Variants in ABHD2 observed in about 807,000 individuals in gnomAD.
The protein encoded by ABHD2 is monoacylglycerol lipase ABHD2.
ABHD2 carries 20 observed loss-of-function variants against 48.1 expected under a neutral mutation model. The ratio of observed to expected loss-of-function variants is 0.42; its 90% confidence interval spans 0.29 to 0.60. The LOEUF is 0.60. Ranked by LOEUF, ABHD2 falls within the 20% of genes least tolerant of loss-of-function variation. The pLI, the probability that ABHD2 is intolerant of heterozygous loss-of-function variation, is 0.24. For synonymous variants in ABHD2, 209 were observed against 214.2 expected, an observed-to-expected ratio of 0.98 and a Z score of 0.21; for missense variants, 405 against 550.9, an observed-to-expected ratio of 0.74 and a Z score of 2.65.
Position 89,091,779 on chromosome 15 carries a change from A to G in ABHD2, c.-107+3216A>G, listed in dbSNP as rs148757952. ...TACAGCTTACAGTATTCCCATTTTT[A>G]TTGCATTGTGAGTTTTGAGTACTCC... On this transcript the variant is annotated intron_variant, in intron 1 of 10. Transcript: ENST00000352732. The surrounding 1 kb of genome is among the most constrained non-coding windows in gnomAD (Gnocchi z 5.5). 2.2e-4 allele frequency among the ~76,000 whole-genome samples: 34 copies of G among 152,224 alleles called. No individual in the cohort carries two copies. The East Asian group carries it at 6.2e-3, about 28-fold the overall frequency.
rs112550744 is a variant in ABHD2, at chr15:89,096,003, G to GA, written c.-107+7444dup. ...AAAATACAGAGATGAACTTCGCGCA[G>GA]AAAAGATATGAGAGCATCATGTGAA... is the stretch of plus-strand genomic sequence containing the variant. On this transcript the variant is annotated intron_variant, in intron 1 of 10. Transcript: ENST00000352732. 2.3e-3 allele frequency among the ~76,000 whole-genome samples: 344 copies of GA among 152,334 alleles called. 2 individuals are homozygous for GA. Among genetic ancestry groups the GA allele is most frequent in the South Asian group, 7.9e-3 (38 of 4,830 alleles).
At chr15:89,129,789 G>GA (rs201548270) in intron 3 of ABHD2, among the ~76,000 whole-genome samples, 2,028 of 149,828 alleles carry the variant, frequency 0.014, 20 homozygotes, top group South Asian at 0.034. Flanking sequence ...TCAGTATGCT[G>GA]ATTAAAAAAA....
the ABHD2 span, among the ~76,000 whole-genome samples, chr15:89,053,551 G>C: frequency 5.3e-5 from 8 of 152,214 alleles, no homozygotes; most frequent in African/African-American, 1.7e-4. Context: ...CACCCAATCA[G>C]ATAGTGTTTC....
rs928634124 is a variant in ABHD2, at chr15:89,188,260, T to C, written c.883T>C (p.Tyr295His). The C allele has an allele frequency of 6.2e-7, 1 of 1,614,234 alleles. No individual in the cohort carries two copies. Among genetic ancestry groups the C allele is most frequent in the African/African-American group, 1.3e-5 (1 of 75,070 alleles). The change falls in exon 8 of 11, where the codon TAC (tyrosine) becomes CAC (histidine). Residue 295 changes from tyrosine (Y) to histidine (H), a missense_variant. Transcript: ENST00000352732. The surrounding 1 kb of genome is among the most constrained non-coding windows in gnomAD (Gnocchi z 4.1). ...SLEDTDLSRL[Y>H]TATSLMQIDD... ...GGAAGACACGGACTTGAGCCGGCTC[T>C]ACACAGCAACATCCCTGATGCAGAT... is the stretch of plus-strand genomic sequence containing the variant.
At chr15:89,044,690 C>T in the ABHD2 span, among the ~76,000 whole-genome samples, 5 of 151,974 alleles carry the variant, frequency 3.3e-5, no homozygotes, top group Admixed American at 3.3e-4. Flanking sequence ...TTTTTGGCTG[C>T]ATAAATGTCT....
chr15:89,080,147 C>G, the ABHD2 span, among the ~76,000 whole-genome samples: 1 of 152,216 alleles, frequency 6.6e-6, no homozygotes, highest in Non-Finnish European at 1.5e-5. Flanking sequence ...GCCCAGCACT[C>G]TGCTCATAAA....
Position 89,201,861 on chromosome 15 carries a change from A to G in ABHD2, c.*6438A>G. ...TCGCTGGGGGCGGGGGACGATGGCGAGAGGGGAGGGGGAGCGAGTTCGCAT... is the reference window on the plus strand; with the variant it reads ...TCGCTGGGGGCGGGGGACGATGGCGGGAGGGGAGGGGGAGCGAGTTCGCAT... On this transcript the variant is annotated 3_prime_UTR_variant, in exon 11 of 11. Transcript: ENST00000352732. 1 of 820,260 alleles carries G rather than the reference A, an allele frequency of 1.2e-6. No individual in the cohort carries two copies. The highest frequency in any genetic ancestry group is 1.5e-5 in the South Asian group (1 of 67,150). The allele number at this position is 820,260 out of a possible 1,614,324, so 50.8% of individuals were successfully genotyped here. A position where few individuals can be genotyped will look rare whatever the true frequency, so the allele number is the denominator to read the frequency against.
At chr15:89,089,487 A>G (rs1006168603) in intron 1 of ABHD2, among the ~76,000 whole-genome samples, 2 of 152,210 alleles carry the variant, frequency 1.3e-5, no homozygotes, top group Non-Finnish European at 2.9e-5. Flanking sequence ...AACTCCTTGT[A>G]TTTGAACTAC....
At chr15:89,141,321 G>A (rs1372946613) in intron 3 of ABHD2, among the ~76,000 whole-genome samples, 4 of 152,058 alleles carry the variant, frequency 2.6e-5, no homozygotes, top group Non-Finnish European at 5.9e-5. Context: ...AGCTGCGGGC[G>A]ACATGTGACC....
In ABHD2 at chr15:89,196,489, A is replaced by C. The variant is rs936636385; in HGVS notation, c.*1066A>C. The stretch of plus-strand genomic sequence containing the variant: ...GTTCAATGACAAACTCAGTTTACTG[A>C]GGTTTGAGAGAACATCCCTCCAGGG... On this transcript the variant is annotated 3_prime_UTR_variant, in exon 11 of 11. Transcript: ENST00000352732. 2 of 152,208 alleles carry C rather than the reference A, an allele frequency of 1.3e-5. No homozygotes were observed. The highest frequency in any genetic ancestry group is 2.1e-4 in the South Asian group (1 of 4,820). The allele number at this position is 152,208 out of a possible 1,614,324, so 9.4% of individuals were successfully genotyped here. A position where few individuals can be genotyped will look rare whatever the true frequency, so the allele number is the denominator to read the frequency against.
chr15:89,108,650 G>A (rs1320089325), intron 1 of ABHD2, among the ~76,000 whole-genome samples: 1 of 152,186 alleles, frequency 6.6e-6, no homozygotes, highest in Non-Finnish European at 1.5e-5. Flanking sequence ...TCCTGTCAGT[G>A]AATATTGGTG....
rs779546848 is a variant in ABHD2 at position 89,193,228 on chromosome 15, G to C, written c.997-7G>C. On this transcript the variant is annotated splice_region_variant and splice_polypyrimidine_tract_variant and intron_variant, in intron 9 of 10. Coordinates refer to ENST00000352732, the MANE Select transcript of ABHD2 (RefSeq NM_152924.5). Reference sequence around the variant, plus strand: ...TAGTTTAATTCTGCTTTATGTTCTTGTTGCAGATTTATGTTCCTCTCATGC... The same window carrying C: ...TAGTTTAATTCTGCTTTATGTTCTTCTTGCAGATTTATGTTCCTCTCATGC... The C allele has an allele frequency of 2.5e-6, 4 of 1,613,782 alleles. No individual in the cohort carries two copies. The highest frequency in any genetic ancestry group is 3.4e-6 in the Non-Finnish European group (4 of 1,179,664).
the ABHD2 span, among the ~76,000 whole-genome samples, chr15:89,080,614 T>C: frequency 1.3e-5 from 2 of 151,962 alleles, no homozygotes; most frequent in African/African-American, 4.8e-5. Flanking sequence ...CAGCCAGCAG[T>C]TGGTGGAGGC....
In ABHD2 at chr15:89,141,157, T is replaced by G. The variant is rs576813117; in HGVS notation, c.195-10520T>G. On this transcript the variant is annotated intron_variant, in intron 3 of 10. Transcript: ENST00000352732. ...CTAATTAATTAATTAATTAATTAAT[T>G]TTTTGGTATAGATGAGGTCTTCCTA... Among the ~76,000 whole-genome samples, 16 of 151,768 alleles carry G rather than the reference T, an allele frequency of 1.1e-4. No homozygotes were observed. In the South Asian group the frequency reaches 3.1e-3, roughly 30 times the overall value.
chr15:89,052,546 G>GACAC, the ABHD2 span, among the ~76,000 whole-genome samples: 477 of 137,128 alleles, frequency 3.5e-3, 6 homozygotes, highest in African/African-American at 0.011. Flanking sequence ...CAGACAGACA[G>GACAC]ACAGACAGAC....
chr15:89,173,459 G>A lies in ABHD2; in HGVS notation c.539-2353G>A, dbSNP rs934818235. On this transcript the variant is annotated intron_variant, in intron 5 of 10. Coordinates refer to ENST00000352732, the MANE Select transcript of ABHD2 (RefSeq NM_152924.5). The surrounding 1 kb of genome is among the most constrained non-coding windows in gnomAD (Gnocchi z 6.5). Reference sequence around the variant, plus strand: ...ATGGTGGCACATGCCTGTAACCCCAGCTACTCAGGGGGCTGAGGCAGGAGG... The same window carrying A: ...ATGGTGGCACATGCCTGTAACCCCAACTACTCAGGGGGCTGAGGCAGGAGG... 1.3e-5 allele frequency among the ~76,000 whole-genome samples: 2 copies of A among 152,206 alleles called. No homozygotes were observed. The highest frequency in any genetic ancestry group is 2.9e-5 in the Non-Finnish European group (2 of 68,040).
chr15:89,184,939 A>G lies in ABHD2; in HGVS notation c.723-485A>G, dbSNP rs892284165. On this transcript the variant is annotated intron_variant, in intron 6 of 10. Coordinates refer to ENST00000352732, the MANE Select transcript of ABHD2 (RefSeq NM_152924.5). The surrounding 1 kb of genome is among the most constrained non-coding windows in gnomAD (Gnocchi z 5.1). ...GATAGATGTATTTGGAGGAGATCCC[A>G]GTTAATGATTTTCCTTTACCTCTTG... Among the ~76,000 whole-genome samples, 2 of 152,250 alleles carry G rather than the reference A, an allele frequency of 1.3e-5. No homozygotes were observed. Among genetic ancestry groups the G allele is most frequent in the Non-Finnish European group, 2.9e-5 (2 of 68,048 alleles).
rs994305639 is a variant in ABHD2, at chr15:89,146,417, G to T, written c.195-5260G>T. ...GTGTGTGTACGTATGTATATGGGGGGTGGGAGGGAGATCCAGACCCTTGTG... is the reference window on the plus strand; with the variant it reads ...GTGTGTGTACGTATGTATATGGGGGTTGGGAGGGAGATCCAGACCCTTGTG... On this transcript the variant is annotated intron_variant, in intron 3 of 10. Coordinates refer to ENST00000352732, the MANE Select transcript of ABHD2 (RefSeq NM_152924.5). This position sits in a 1 kb window ranked among gnomAD's most constrained non-coding sequence, Gnocchi z 4.2. Among the ~76,000 whole-genome samples the T allele has an allele frequency of 1.4e-5, 2 of 146,250 alleles. No homozygotes were observed. Among genetic ancestry groups the T allele is most frequent in the East Asian group, 3.9e-4 (2 of 5,074 alleles).
chr15:89,182,369 C>G lies in ABHD2; in HGVS notation c.723-3055C>G, dbSNP rs564743185. Among the ~76,000 whole-genome samples the G allele has an allele frequency of 3.9e-5, 6 of 152,222 alleles. No homozygotes were observed. The highest frequency in any genetic ancestry group is 8.8e-5 in the Non-Finnish European group (6 of 68,042). ...GAGCTGCCCCTCCCAGGGTTCCACA[C>G]TTCTCTCCTGTGTCCTCAGCCAGTT... On this transcript the variant is annotated intron_variant, in intron 6 of 10. Coordinates refer to ENST00000352732, the MANE Select transcript of ABHD2 (RefSeq NM_152924.5). The surrounding 1 kb of genome is among the most constrained non-coding windows in gnomAD (Gnocchi z 4.8).
Sources: gnomAD v4.1 joint callset for allele counts (sites outside exome capture counted in the v4.1 genomes callset) on GRCh38, gnomAD v4.1.1 for gene constraint, Gnocchi (gnomAD v3.1) non-coding constraint, MANE v1.5 for transcripts, NCBI Gene and HGNC (gene_info 2026-07-23, HGNC 2026-07-21) for gene names.